FRY: variants seen among roughly 807,000 people sequenced by gnomAD.
FRY encodes the protein protein furry homolog.
FRY carries 128 observed loss-of-function variants against 348.4 expected under a neutral mutation model. That is an observed-to-expected ratio of 0.37 (90% CI 0.32 to 0.43). The LOEUF (loss-of-function observed/expected upper bound fraction) is 0.43. FRY is among the 20% of genes least tolerant of loss of function. The pLI, the probability that FRY is intolerant of heterozygous loss-of-function variation, is 1.00. For synonymous variants in FRY, 1,370 were observed against 1,374.7 expected, an observed-to-expected ratio of 1.00 and a Z score of 0.08; for missense variants, 2,736 against 3,695.2, an observed-to-expected ratio of 0.74 and a Z score of 6.73.
At chr13:32,211,883 G>A (rs1884707545) in intron 34 of FRY, among the ~76,000 whole-genome samples, 1 of 152,136 alleles carries the variant, frequency 6.6e-6, no homozygotes, top group Non-Finnish European at 1.5e-5. Flanking sequence ...TGTTCTTACA[G>A]GGAAGCAGTA....
chr13:32,165,555 C>T (rs1023173056), intron 17 of FRY, among the ~76,000 whole-genome samples: 5 of 152,220 alleles, frequency 3.3e-5, no homozygotes, highest in Admixed American at 3.3e-4. Flanking sequence ...TTTTGGAAAT[C>T]CTTGTCTGCT....
At chr13:32,168,772 A>G (rs1881893615) in intron 17 of FRY, among the ~76,000 whole-genome samples, 1 of 152,200 alleles carries the variant, frequency 6.6e-6, no homozygotes, top group Non-Finnish European at 1.5e-5. Flanking sequence ...CTGTGAACTA[A>G]AGAGCTTTTT....
intron 3 of FRY, among the ~76,000 whole-genome samples, chr13:32,108,889 TAA>T (rs984222274): frequency 6.6e-6 from 1 of 152,104 alleles, no homozygotes; most frequent in African/African-American, 2.4e-5. Flanking sequence ...TGGCAGAAGT[TAA>T]AAAAGAGATC....
chr13:32,045,193 C>T (rs1872958194), intron 1 of FRY, among the ~76,000 whole-genome samples: 4 of 152,168 alleles, frequency 2.6e-5, no homozygotes, highest in South Asian at 2.1e-4. Flanking sequence ...TGCTGAATTT[C>T]GCTATTAGTC....
intron 2 of FRY, 86 bp downstream of exon 2, chr13:32,079,119 A>G: frequency 1.0e-6 from 1 of 955,434 alleles, no homozygotes; most frequent in Middle Eastern, 2.1e-4. Flanking sequence ...CAAAAGATGG[A>G]TTGCTTTTCC....
At chr13:32,285,316 G>A (rs1341289130) in intron 58 of FRY, among the ~76,000 whole-genome samples, 1 of 152,050 alleles carries the variant, frequency 6.6e-6, no homozygotes, top group African/African-American at 2.4e-5. Context: ...ACTCTTTTTG[G>A]AACTCTAAAT....
intron 1 of FRY, among the ~76,000 whole-genome samples, chr13:32,077,366 G>A (rs551399815): frequency 6.6e-6 from 1 of 152,290 alleles, no homozygotes; most frequent in South Asian, 2.1e-4. Context: ...TCTAGCCATA[G>A]GTCTCCAAGG....
chr13:32,173,070 G>T (rs748155622), intron 18 of FRY, among the ~76,000 whole-genome samples: 4 of 152,230 alleles, frequency 2.6e-5, no homozygotes, highest in Non-Finnish European at 5.9e-5. Context: ...ATACCAAGTG[G>T]TATACATGAA....
intron 1 of FRY, among the ~76,000 whole-genome samples, chr13:32,076,032 G>A (rs1481813960): frequency 6.6e-6 from 1 of 152,208 alleles, no homozygotes; most frequent in Non-Finnish European, 1.5e-5. Flanking sequence ...TTTTATGATA[G>A]CAGTGAATTG....
intron 14 of FRY, among the ~76,000 whole-genome samples, chr13:32,153,109 A>G (rs773700591): frequency 2.6e-5 from 4 of 152,160 alleles, no homozygotes; most frequent in African/African-American, 9.7e-5. Flanking sequence ...TGAGATTACA[A>G]AAAGGTACAA....
chr13:32,090,100 G>T (rs1318380182), intron 2 of FRY, among the ~76,000 whole-genome samples: 1 of 151,962 alleles, frequency 6.6e-6, no homozygotes, highest in Non-Finnish European at 1.5e-5. Flanking sequence ...TGTAATCCCA[G>T]CACTTTGGGA....
intron 7 of FRY, among the ~76,000 whole-genome samples, chr13:32,130,155 G>A (rs1879261780): frequency 6.7e-6 from 1 of 149,730 alleles, no homozygotes; most frequent in Non-Finnish European, 1.5e-5. Context: ...CTGCCTCCCA[G>A]GTTCAAGCGA....
chr13:32,082,242 G>T (rs1304059662), intron 2 of FRY, among the ~76,000 whole-genome samples: 3 of 142,154 alleles, frequency 2.1e-5, no homozygotes, highest in Non-Finnish European at 4.7e-5. Flanking sequence ...AAAAAAACAG[G>T]AAATAAAAAT....
chr13:32,046,017 A>G (rs779976125), intron 1 of FRY, among the ~76,000 whole-genome samples: 1 of 152,176 alleles, frequency 6.6e-6, no homozygotes, highest in Non-Finnish European at 1.5e-5. Flanking sequence ...CCACTCAACA[A>G]TTCTCAAGTG....
chr13:32,079,704 G>C (rs927893575), intron 2 of FRY, among the ~76,000 whole-genome samples: 2 of 152,146 alleles, frequency 1.3e-5, no homozygotes, highest in African/African-American at 4.8e-5. Flanking sequence ...GGACTCTAAA[G>C]AGCACTGAAT....
In FRY at chr13:32,181,317, G is replaced by A. The variant is rs183279160; in HGVS notation, c.2996+1518G>A. ...CATATAGAAATACAAGGAGATGGAC[G>A]GGTGCAGTGGCTCATGCTTGTAATC... On this transcript the variant is annotated intron_variant, in intron 23 of 60. Transcript: ENST00000542859. Among the ~76,000 whole-genome samples, 340 of 151,908 alleles carry A rather than the reference G, an allele frequency of 2.2e-3. 4 individuals carry two copies. The highest frequency in any genetic ancestry group is 0.011 in the Admixed American group (173 of 15,274).
At chr13:32,206,249 C>G (rs368886223) in intron 31 of FRY, among the ~76,000 whole-genome samples, 1 of 151,916 alleles carries the variant, frequency 6.6e-6, no homozygotes, top group Non-Finnish European at 1.5e-5. Flanking sequence ...CAGACTGGTC[C>G]GAGGAAGAGC....
chr13:32,218,818 C>T lies in FRY; in HGVS notation c.4752C>T (p.Tyr1584=), dbSNP rs201790778. ...SRYSNSSGGS[Y]DEDKNDPISP... ...ACAGCAATAGCTCTGGAGGATCCTA[C>T]GATGAAGATAAAAGTAAGTACCAAC... Residue 1584 remains tyrosine, a synonymous_variant, in exon 36 of 61, where the codon TAC becomes TAT. Coordinates refer to ENST00000542859, the MANE Select transcript of FRY (RefSeq NM_023037.3). 6.8e-5 allele frequency: 108 copies of T among 1,595,366 alleles called. 1 individual carries two copies. In the African/African-American group the frequency reaches 1.0e-3, roughly 15 times the overall value.
rs569379248 is a variant in FRY at position 32,202,400 on chromosome 13, G to A, written c.3891G>A (p.Glu1297=). 76 of 1,614,052 alleles carry A rather than the reference G, an allele frequency of 4.7e-5. No individual in the cohort carries two copies. The highest frequency in any genetic ancestry group is 2.4e-4 in the South Asian group (22 of 91,070). ...TTGTATACTCAAAGAAAGTCGCTGAGCAAAGACCGGGAAGTATTCTCTATG... is the reference window on the plus strand; with the variant it reads ...TTGTATACTCAAAGAAAGTCGCTGAACAAAGACCGGGAAGTATTCTCTATG... ...KLFVYSKKVA[E]QRPGSILYGT... Residue 1297 remains glutamate, a synonymous_variant, in exon 31 of 61, where the codon GAG becomes GAA. Coordinates refer to ENST00000542859, the MANE Select transcript of FRY (RefSeq NM_023037.3).
Sources: gnomAD v4.1 joint callset for allele counts (sites outside exome capture counted in the v4.1 genomes callset) on GRCh38, gnomAD v4.1.1 for gene constraint, MANE v1.5 for transcripts, NCBI Gene and HGNC (gene_info 2026-07-23, HGNC 2026-07-21) for gene names.